Variants in PARD3B observed in about 807,000 individuals in gnomAD.
The protein encoded by PARD3B is partitioning defective 3 homolog B.
Under a neutral mutation model 130.2 loss-of-function variants are expected in PARD3B, and 103 were observed. The ratio of observed to expected loss-of-function variants is 0.79; its 90% CI spans 0.67 to 0.93. The LOEUF (loss-of-function observed/expected upper bound fraction) is 0.93, where lower values mean the gene tolerates loss of function less well. PARD3B is among the 40% of genes least tolerant of loss of function. The pLI is 0.00. For synonymous variants in PARD3B, 583 were observed against 553.2 expected (o/e 1.05, Z -0.76); for missense variants, 1,609 against 1,499.2 (o/e 1.07, Z -1.21).
intron 2 of PARD3B, among the ~76,000 whole-genome samples, chr2:204,866,425 A>G (rs1308778362): frequency 6.6e-6 from 1 of 152,152 alleles, no homozygotes; most frequent in Admixed American, 6.5e-5. Flanking sequence ...CCCGTTTCTT[A>G]AATTTCTCAA....
At chr2:204,908,032 T>G (rs2047098001) in intron 2 of PARD3B, among the ~76,000 whole-genome samples, 1 of 152,204 alleles carries the variant, frequency 6.6e-6, no homozygotes, top group Non-Finnish European at 1.5e-5. Context: ...CCCTTCTAAC[T>G]ATTTTTAACA....
intron 2 of PARD3B, among the ~76,000 whole-genome samples, chr2:204,756,343 C>G (rs1352153067): frequency 6.6e-6 from 1 of 151,980 alleles, no homozygotes; most frequent in Non-Finnish European, 1.5e-5. Context: ...TGCAATATTA[C>G]TGTATTTAAC....
intron 18 of PARD3B, among the ~76,000 whole-genome samples, chr2:205,344,674 T>C (rs1278037076): frequency 6.6e-6 from 1 of 152,228 alleles, no homozygotes; most frequent in Non-Finnish European, 1.5e-5. Flanking sequence ...GGGTACATAC[T>C]GGGAGCCACC....
chr2:204,658,167 C>G (rs2111446), intron 1 of PARD3B, among the ~76,000 whole-genome samples: 120,998 of 152,034 alleles, frequency 0.8, 48,436 homozygotes, highest in East Asian at 0.89. Flanking sequence ...TTTATATTTT[C>G]ACCTTTATTC....
At position 205,280,575 on chromosome 2, in the gene PARD3B, G is replaced by A. The variant is rs993562100; in HGVS notation, c.2186-19955G>A. On this transcript the variant is annotated intron_variant, in intron 16 of 22. Transcript: ENST00000406610. This position sits in a 1 kb window ranked among gnomAD's most constrained non-coding sequence, Gnocchi z 4.7. ...TGGTTCTCAGAGAATATCAAATTCC[G>A]ATGTCAGTTTTGTAAATAAGTATCT... 1.4e-4 allele frequency among the ~76,000 whole-genome samples: 22 copies of A among 152,154 alleles called. No homozygotes were observed. The highest frequency in any genetic ancestry group is 3.9e-4 in the African/African-American group (16 of 41,418).
intron 2 of PARD3B, among the ~76,000 whole-genome samples, chr2:204,746,583 T>C (rs2040239082): frequency 6.6e-6 from 1 of 152,188 alleles, no homozygotes; most frequent in African/African-American, 2.4e-5. Context: ...GTTGAACTAG[T>C]TTACCTCCCA....
At chr2:205,030,661 A>G (rs1237546089) in intron 3 of PARD3B, among the ~76,000 whole-genome samples, 1 of 152,186 alleles carries the variant, frequency 6.6e-6, no homozygotes, top group Non-Finnish European at 1.5e-5. Context: ...GTTTGATACC[A>G]TATGTTTGTT....
intron 20 of PARD3B, among the ~76,000 whole-genome samples, chr2:205,497,253 T>G (rs1237536650): frequency 6.6e-6 from 1 of 151,194 alleles, no homozygotes; most frequent in Non-Finnish European, 1.5e-5. Context: ...AGGGTTTGTC[T>G]TTTCTGAACC....
chr2:205,516,893 T>C (rs1427692323), intron 21 of PARD3B, among the ~76,000 whole-genome samples: 3 of 152,028 alleles, frequency 2.0e-5, no homozygotes, highest in African/African-American at 7.2e-5. Flanking sequence ...ATAATATTGG[T>C]TGTATGTTTG....
chr2:205,538,350 G>A (rs1266755451), intron 21 of PARD3B, among the ~76,000 whole-genome samples: 3 of 152,144 alleles, frequency 2.0e-5, no homozygotes, highest in African/African-American at 7.2e-5. Flanking sequence ...GATGAAGGAT[G>A]GTGATACTGA....
intron 3 of PARD3B, among the ~76,000 whole-genome samples, chr2:204,975,154 C>T (rs948941676): frequency 6.6e-6 from 1 of 152,116 alleles, no homozygotes. Context: ...TACCATTAGT[C>T]AGTATGTGAT....
chr2:204,942,976 A>G lies in PARD3B; in HGVS notation c.223-22176A>G, dbSNP rs118154077. 7.2e-4 allele frequency among the ~76,000 whole-genome samples: 109 copies of G among 152,264 alleles called. No homozygotes were observed. In the East Asian group the frequency reaches 0.02, roughly 28 times the overall value. ...GAACTAATCTGTACAACAGACCCCTATGACACAAATTTACCTCCAGAACCA... is the reference window on the plus strand; with the variant it reads ...GAACTAATCTGTACAACAGACCCCTGTGACACAAATTTACCTCCAGAACCA... On this transcript the variant is annotated intron_variant, in intron 2 of 22. Transcript: ENST00000406610.
intron 15 of PARD3B, among the ~76,000 whole-genome samples, chr2:205,243,057 T>C (rs1221220678): frequency 2.0e-5 from 3 of 151,990 alleles, no homozygotes; most frequent in African/African-American, 4.8e-5. Context: ...TCCCAGCTAC[T>C]CAGGAGGCTG....
intron 8 of PARD3B, among the ~76,000 whole-genome samples, chr2:205,124,096 G>A (rs556797107): frequency 2.0e-5 from 3 of 152,310 alleles, no homozygotes; most frequent in African/African-American, 7.2e-5. Context: ...ATAAGCCAAA[G>A]TGTTACACAT....
chr2:205,196,638 A>G (rs113715879), intron 15 of PARD3B, among the ~76,000 whole-genome samples: 2 of 152,156 alleles, frequency 1.3e-5, no homozygotes, highest in Admixed American at 6.5e-5. Context: ...TTAGGACTCT[A>G]TCATATATTT....
intron 15 of PARD3B, among the ~76,000 whole-genome samples, chr2:205,217,894 A>ATATTT (rs1559553191): frequency 2.9e-4 from 9 of 31,072 alleles, no homozygotes; most frequent in South Asian, 1.3e-3. Context: ...ATATATATAT[A>ATATTT]TTTTTTTTTT....
At chr2:204,742,197 A>G (rs983883231) in intron 2 of PARD3B, among the ~76,000 whole-genome samples, 1 of 152,170 alleles carries the variant, frequency 6.6e-6, no homozygotes, top group African/African-American at 2.4e-5. Flanking sequence ...TTATTTATGT[A>G]AGGTAGCTTT....
intron 18 of PARD3B, among the ~76,000 whole-genome samples, chr2:205,313,282 G>A (rs868593200): frequency 5.3e-5 from 8 of 152,186 alleles, no homozygotes; most frequent in African/African-American, 1.4e-4. Flanking sequence ...ATGAGCTGCC[G>A]TGGCACCCAG....
chr2:204,964,515 GCATTC>G (rs1691052597), intron 2 of PARD3B, among the ~76,000 whole-genome samples: 1 of 152,154 alleles, frequency 6.6e-6, no homozygotes, highest in African/African-American at 2.4e-5. Context: ...ATTGGACTTA[GCATTC>G]CATTGGACTT....
Sources: allele counts gnomAD v4.1 joint callset (sites outside exome capture counted in the v4.1 genomes callset), GRCh38; gene constraint gnomAD v4.1.1; non-coding constraint Gnocchi (gnomAD v3.1); transcripts MANE v1.5; gene names NCBI Gene and HGNC (gene_info 2026-07-23, HGNC 2026-07-21).